The following KBTBD2 variants were observed in gnomAD, a reference collection of about 807,000 sequenced individuals.
KBTBD2 encodes kelch repeat and BTB domain-containing protein 2.
Under a neutral mutation model 57.1 loss-of-function variants are expected in KBTBD2, and 17 were observed. The ratio of observed to expected loss-of-function variants is 0.30; its 90% CI spans 0.20 to 0.45. The LOEUF (loss-of-function observed/expected upper bound fraction) is 0.45. KBTBD2 is among the 20% of genes least tolerant of loss of function. KBTBD2 has a pLI of 1.00. For missense variants in KBTBD2, 515 were observed against 750.6 expected (o/e 0.69, Z 3.67); for synonymous variants, 267 against 262.7 (o/e 1.02, Z -0.16).
At position 32,869,099 on chromosome 7, in the gene KBTBD2, ACT is replaced by A. The variant is rs1270167132; in HGVS notation, c.*244_*245del. 4 of 396,104 alleles carry A rather than the reference ACT, an allele frequency of 1.0e-5. No individual in the cohort carries two copies. Among genetic ancestry groups the A allele is most frequent in the African/African-American group, 2.0e-5 (1 of 49,318 alleles). The allele number at this position is 396,104 out of a possible 1,614,324, so 24.5% of individuals were successfully genotyped here. ...AATGTTAGATAATCCAGATTCTTAT[ACT>A]CTCATGATTACACATAAAGTTTCTC... On this transcript the variant is annotated 3_prime_UTR_variant, in exon 4 of 4. Transcript: ENST00000304056.
At position 32,869,681 on chromosome 7, in the gene KBTBD2, T is replaced by C; in HGVS notation, c.1536A>G (p.Ala512=). 2 of 1,614,196 alleles carry C rather than the reference T, an allele frequency of 1.2e-6. No homozygotes were observed. The highest frequency in any genetic ancestry group is 1.7e-6 in the Non-Finnish European group (2 of 1,180,020). The change falls in exon 4 of 4, where the codon GCA becomes GCG. Residue 512 remains alanine, a synonymous_variant. Transcript: ENST00000304056. ...AGTACCTCTTAGCAGGGATGTTGGC[T>C]GCCATTTTCCACTCATTTTTATTCA... is the stretch of plus-strand genomic sequence containing the variant. ...YDVNKNEWKM[A]ANIPAKRYSD... is the part of the protein sequence containing the mutation.
At chr7:32,884,976 G>GTGTATATATACACATATGTGTA (rs1330517519) in intron 1 of KBTBD2, among the ~76,000 whole-genome samples, 95 of 130,070 alleles carry the variant, frequency 7.3e-4, no homozygotes, top group Non-Finnish European at 1.2e-3. Context: ...GTATGTGTGT[G>GTGTATATATACACATATGTGTA]TATATATATA....
intron 1 of KBTBD2, among the ~76,000 whole-genome samples, chr7:32,888,953 A>G (rs1481655452): frequency 6.6e-6 from 1 of 152,206 alleles, no homozygotes; most frequent in Non-Finnish European, 1.5e-5. Flanking sequence ...TGAGTATACT[A>G]TGTCCTTTTA....
chr7:32,869,858 G>A lies in KBTBD2; in HGVS notation c.1359C>T (p.Ala453=), dbSNP rs371189643. 1.9e-6 allele frequency: 3 copies of A among 1,613,444 alleles called. No homozygotes were observed. Among genetic ancestry groups the A allele is most frequent in the African/African-American group, 2.7e-5 (2 of 74,860 alleles). Reference sequence around the variant, plus strand: ...CAAAGGACCTACTAGTCTGTCTCATGGCCATTTCTACCCATGAGTCAGACC... The same window carrying A: ...CAAAGGACCTACTAGTCTGTCTCATAGCCATTTCTACCCATGAGTCAGACC... The part of the protein sequence containing the change: ...FPRSDSWVEM[A]MRQTSRSFAS... Residue 453 remains alanine (A), a synonymous_variant, in exon 4 of 4, where the codon GCC becomes GCT. Coordinates refer to ENST00000304056, the MANE Select transcript of KBTBD2 (RefSeq NM_015483.3).
At chr7:32,890,285 G>GC (rs1274289585) in intron 1 of KBTBD2, among the ~76,000 whole-genome samples, 1 of 152,114 alleles carries the variant, frequency 6.6e-6, no homozygotes, top group East Asian at 1.9e-4. Context: ...GAAGAAGTAA[G>GC]CTTAACATTA....
chr7:32,888,073 A>T (rs1322610028), intron 1 of KBTBD2, among the ~76,000 whole-genome samples: 2 of 152,228 alleles, frequency 1.3e-5, no homozygotes, highest in African/African-American at 2.4e-5. Flanking sequence ...CACTCCAAAT[A>T]CAGTTCTCTT....
chr7:32,882,689 A>C (rs1784473451), intron 1 of KBTBD2, among the ~76,000 whole-genome samples: 1 of 152,232 alleles, frequency 6.6e-6, no homozygotes, highest in African/African-American at 2.4e-5. Context: ...AGTACAATTA[A>C]AAATAAAATT....
intron 3 of KBTBD2, among the ~76,000 whole-genome samples, chr7:32,872,207 G>T (rs1228070163): frequency 6.6e-6 from 1 of 151,902 alleles, no homozygotes; most frequent in Non-Finnish European, 1.5e-5. Flanking sequence ...AACAGAACAA[G>T]ACATGTCTCT....
rs765898950 is a variant in KBTBD2, at chr7:32,870,585, T to A, written c.632A>T (p.Gln211Leu). Residue 211 changes from glutamine (Q) to leucine (L), a missense_variant, in exon 4 of 4, where the codon CAG becomes CTG. Gln to Leu is a moderately radical substitution (Grantham distance 113, BLOSUM62 -2). Transcript: ENST00000304056. ...WLEYNTESRS[Q>L]YLSSVLSQIR... ...TTGGCTAAGAACAGAAGACAAATAC[T>A]GGGATCGTGATTCTGTGTTATACTC... is the stretch of plus-strand genomic sequence containing the variant. 3 of 1,614,046 alleles carry A rather than the reference T, an allele frequency of 1.9e-6. No individual in the cohort carries two copies. The African/African-American group carries it at 4.0e-5, about 22-fold the overall frequency.
rs1199613142 is a variant in KBTBD2 at position 32,875,146 on chromosome 7, A to G, written c.182T>C (p.Met61Thr). 1 of 1,614,032 alleles carries G rather than the reference A, an allele frequency of 6.2e-7. No homozygotes were observed. Among genetic ancestry groups the G allele is most frequent in the African/African-American group, 1.3e-5 (1 of 74,946 alleles). The stretch of plus-strand genomic sequence containing the variant: ...TTGTTTGCTTTCACTTAGTCCACTC[A>G]TAAACATGGCCCTACAGGGGAGATG... ...TCSSYFRAMFMSGLSESKQTH... is the reference protein window; with the variant it reads ...TCSSYFRAMFTSGLSESKQTH... The change falls in exon 3 of 4, where the codon ATG becomes ACG. Residue 61 changes from methionine (M) to threonine (T), a missense_variant. Physicochemically the swap from Met to Thr is moderately conservative, Grantham distance 81. Coordinates refer to ENST00000304056, the MANE Select transcript of KBTBD2 (RefSeq NM_015483.3).
chr7:32,884,622 G>A (rs921724699), intron 1 of KBTBD2, among the ~76,000 whole-genome samples: 1 of 148,772 alleles, frequency 6.7e-6, no homozygotes, highest in Non-Finnish European at 1.5e-5. Flanking sequence ...CCCAGGAGGA[G>A]GAGGTTGCAG....
At position 32,878,164 on chromosome 7, in the gene KBTBD2, G is replaced by A. The variant is rs116709811; in HGVS notation, c.170+1271C>T. Among the ~76,000 whole-genome samples the A allele has an allele frequency of 1.8e-3, 269 of 151,988 alleles. 1 individual carries two copies. The highest frequency in any genetic ancestry group is 6.1e-3 in the African/African-American group (252 of 41,438). ...AGCAAAGGCAACAACTGGTGTTTGA[G>A]CCTTAGCTTCTGCAATCATCATGGG... On this transcript the variant is annotated intron_variant, in intron 2 of 3. Transcript: ENST00000304056.
rs150716758 is a variant in KBTBD2, at chr7:32,883,798, G to A, written c.-338-3856C>T. Among the ~76,000 whole-genome samples, 16 of 152,210 alleles carry A rather than the reference G, an allele frequency of 1.1e-4. No individual in the cohort carries two copies. The East Asian group carries it at 2.9e-3, about 28-fold the overall frequency. ...CCAATCATTGCACTTTACATACTCG[G>A]ATTCAGAGAAGCCAAACACTAAAGC... On this transcript the variant is annotated intron_variant, in intron 1 of 3. Transcript: ENST00000304056.
intron 3 of KBTBD2, among the ~76,000 whole-genome samples, chr7:32,873,538 G>A (rs988297161): frequency 2.6e-5 from 4 of 151,990 alleles, no homozygotes; most frequent in South Asian, 2.1e-4. Flanking sequence ...GTTCCAGACC[G>A]GCCTGGCCAA....
At chr7:32,886,437 G>T (rs936918864) in intron 1 of KBTBD2, among the ~76,000 whole-genome samples, 3 of 152,092 alleles carry the variant, frequency 2.0e-5, no homozygotes, top group African/African-American at 7.2e-5. Context: ...GTTAGCAATC[G>T]ACAGTAACAT....
upstream of KBTBD2, chr7:32,891,874 G>GCCCGCCGCCCCCGCC (rs1784761970): frequency 1.1e-5 from 1 of 94,232 alleles, no homozygotes; most frequent in Non-Finnish European, 2.1e-5. Flanking sequence ...GAGACGCCGG[G>GCCCGCCGCCCCCGCC]CCCGCCGCCC....
At chr7:32,873,508 T>TG (rs1474507944) in intron 3 of KBTBD2, among the ~76,000 whole-genome samples, 1 of 150,432 alleles carries the variant, frequency 6.6e-6, no homozygotes, top group Non-Finnish European at 1.5e-5. Context: ...CCAAGGCGGG[T>TG]GGATCATTTG....
intron 1 of KBTBD2, among the ~76,000 whole-genome samples, chr7:32,887,551 G>A (rs147865600): frequency 6.6e-6 from 1 of 152,312 alleles, no homozygotes; most frequent in African/African-American, 2.4e-5. Flanking sequence ...TAGGAATGAA[G>A]GAATGATAGG....
intron 1 of KBTBD2, among the ~76,000 whole-genome samples, chr7:32,888,823 C>A (rs1160124743): frequency 2.0e-5 from 3 of 152,044 alleles, no homozygotes; most frequent in Non-Finnish European, 4.4e-5. Context: ...ACGCTCAGCA[C>A]CCTAAGTAAA....
Sources: gnomAD v4.1 joint callset for allele counts (sites outside exome capture counted in the v4.1 genomes callset) on GRCh38, gnomAD v4.1.1 for gene constraint, MANE v1.5 for transcripts, NCBI Gene and HGNC (gene_info 2026-07-23, HGNC 2026-07-21) for gene names.